Variants in POU3F3 observed in about 807,000 individuals in gnomAD.
POU3F3 encodes the protein POU domain, class 3, transcription factor 3.
A neutral mutation model predicts 8.6 loss-of-function variants in POU3F3; 1 was observed. The observed-to-expected ratio is 0.12, with a 90% confidence interval of 0.04 to 0.55. POU3F3 has a LOEUF of 0.55. Ranked by LOEUF, POU3F3 falls within the 20% of genes least tolerant of loss-of-function variation. The probability of loss-of-function intolerance (pLI) is 0.91; values close to 1 mark genes in which losing one functional copy is unlikely to be tolerated. For synonymous variants in POU3F3, 418 were observed against 327.4 expected (o/e 1.28, Z -2.99); for missense variants, 577 against 690.7 (o/e 0.84, Z 1.84).
At chr2:104,862,051 AT>A (rs1343460990), downstream of POU3F3, among the ~76,000 whole-genome samples, 1 of 152,106 alleles carries the variant, frequency 6.6e-6, no homozygotes, top group Non-Finnish European at 1.5e-5. Flanking sequence ...AGATTCTTTG[AT>A]TTTGTTAGCC....
At chr2:104,898,331 G>A in the POU3F3 span, among the ~76,000 whole-genome samples, 7 of 152,314 alleles carry the variant, frequency 4.6e-5, no homozygotes, top group South Asian at 1.2e-3. Context: ...CTTTGTCATA[G>A]CGGCCTGAAC....
the POU3F3 span, among the ~76,000 whole-genome samples, chr2:104,896,825 A>G: frequency 6.2e-3 from 947 of 152,344 alleles, 5 homozygotes; most frequent in Non-Finnish European, 0.01. Flanking sequence ...CGATGGTCTC[A>G]TATCCTGCTG....
chr2:104,903,780 T>C, the POU3F3 span, among the ~76,000 whole-genome samples: 6 of 152,210 alleles, frequency 3.9e-5, no homozygotes, highest in Non-Finnish European at 8.8e-5. Flanking sequence ...AATGTTTGTC[T>C]GTGGGGGTTA....
At chr2:104,869,787 G>C in the POU3F3 span, 1 of 152,120 alleles carries the variant, frequency 6.6e-6, no homozygotes, top group African/African-American at 2.4e-5. Context: ...GTGGTGGGCA[G>C]ATCCCAAGCT....
the POU3F3 span, among the ~76,000 whole-genome samples, chr2:104,898,731 G>A: frequency 1.3e-5 from 2 of 152,124 alleles, no homozygotes; most frequent in Non-Finnish European, 2.9e-5. Context: ...TTAGATGCTG[G>A]CTTTAGAATG....
rs1676617005 is a variant in POU3F3, at chr2:104,858,475, G to C, written c.*1462G>C. 6.6e-6 allele frequency: 1 copy of C among 152,062 alleles called. No individual in the cohort carries two copies. The highest frequency in any genetic ancestry group is 1.5e-5 in the Non-Finnish European group (1 of 68,018). The allele number at this position is 152,062 out of a possible 1,614,324, so 9.4% of individuals were successfully genotyped here. A position where few individuals can be genotyped will look rare whatever the true frequency, so the allele number is the denominator to read the frequency against. ...GAAATGAAAATATGGACAGTTGTTA[G>C]GTAATAAGGGTATCTTTTGATGTGA... On this transcript the variant is annotated 3_prime_UTR_variant, in exon 1 of 1. Coordinates refer to ENST00000361360, the MANE Select transcript of POU3F3 (RefSeq NM_006236.3).
At chr2:104,862,652 G>T (rs1352631662), downstream of POU3F3, among the ~76,000 whole-genome samples, 6 of 152,218 alleles carry the variant, frequency 3.9e-5, no homozygotes, top group Non-Finnish European at 8.8e-5. Context: ...GGCAGCTGCT[G>T]TGGGTCCCAC....
the POU3F3 span, among the ~76,000 whole-genome samples, chr2:104,916,350 G>A: frequency 6.6e-6 from 1 of 152,124 alleles, no homozygotes; most frequent in Admixed American, 6.5e-5. Context: ...TTCTTGCTGG[G>A]TAAGAAATGA....
chr2:104,923,842 T>A, the POU3F3 span, among the ~76,000 whole-genome samples: 2 of 152,328 alleles, frequency 1.3e-5, no homozygotes, highest in Admixed American at 6.5e-5. Flanking sequence ...GAAGATATTC[T>A]ATACAAATAG....
the POU3F3 span, among the ~76,000 whole-genome samples, chr2:104,896,002 T>G: frequency 6.6e-6 from 1 of 151,526 alleles, no homozygotes; most frequent in Admixed American, 6.6e-5. Flanking sequence ...GAGCAGGGAG[T>G]CTGTTTCAGC....
In POU3F3 at chr2:104,855,888, C is replaced by G; in HGVS notation, c.378C>G (p.Ala126=). 9.4e-7 allele frequency: 1 copy of G among 1,060,510 alleles called. No homozygotes were observed. Among genetic ancestry groups the G allele is most frequent in the Non-Finnish European group, 1.1e-6 (1 of 883,962 alleles). 65.7% of individuals were successfully genotyped at this position (1,060,510 alleles called of 1,614,324 possible). The change falls in exon 1 of 1, where the codon GCC becomes GCG. Residue 126 remains alanine, a synonymous_variant. Transcript: ENST00000361360. The part of the protein sequence containing the change: ...VEASSPWSGS[A]VGMAGSPQQP... ...CGAGCTCGCCGTGGTCGGGCAGCGC[C>G]GTGGGCATGGCTGGCAGCCCCCAGC...
chr2:104,872,526 C>A, the POU3F3 span: 1 of 334,112 alleles, frequency 3.0e-6, no homozygotes, highest in Non-Finnish European at 5.9e-6. The surrounding 1 kb of genome is among the most constrained non-coding windows in gnomAD (Gnocchi z 4.6). Context: ...CTTACCCTTT[C>A]CTCCCGCTAA....
At chr2:104,875,600 A>G in the POU3F3 span, among the ~76,000 whole-genome samples, 1 of 152,224 alleles carries the variant, frequency 6.6e-6, no homozygotes, top group Non-Finnish European at 1.5e-5. Flanking sequence ...GAGCAAATGT[A>G]CAAATACAAT....
downstream of POU3F3, among the ~76,000 whole-genome samples, chr2:104,860,457 T>C (rs147565628): frequency 3.0e-3 from 458 of 152,318 alleles, 6 homozygotes; most frequent in African/African-American, 0.011. Context: ...TTTAATGAAT[T>C]TGGTCATTGT....
At chr2:104,875,640 T>A in the POU3F3 span, among the ~76,000 whole-genome samples, 1 of 152,210 alleles carries the variant, frequency 6.6e-6, no homozygotes, top group African/African-American at 2.4e-5. Context: ...TAGCTACAAG[T>A]TTTAGCAGAA....
chr2:104,855,503 G>A lies in POU3F3; in HGVS notation c.-8G>A. The A allele has an allele frequency of 2.0e-6, 2 of 995,656 alleles. No individual in the cohort carries two copies. Among genetic ancestry groups the A allele is most frequent in the Non-Finnish European group, 2.4e-6 (2 of 836,730 alleles). The allele number at this position is 995,656 out of a possible 1,614,324, so 61.7% of individuals were successfully genotyped here. On this transcript the variant is annotated 5_prime_UTR_variant, in exon 1 of 1. Coordinates refer to ENST00000361360, the MANE Select transcript of POU3F3 (RefSeq NM_006236.3). Reference sequence around the variant, plus strand: ...GTGGCGGCGGTGGGGTGGCGGGAGCGGAGCGGCATGGCCACGGCGGCTTCT... The same window carrying A: ...GTGGCGGCGGTGGGGTGGCGGGAGCAGAGCGGCATGGCCACGGCGGCTTCT...
In POU3F3 at chr2:104,858,053, C is replaced by T. The variant is rs1208604145; in HGVS notation, c.*1040C>T. On this transcript the variant is annotated 3_prime_UTR_variant, in exon 1 of 1. Coordinates refer to ENST00000361360, the MANE Select transcript of POU3F3 (RefSeq NM_006236.3). Reference sequence around the variant, plus strand: ...GGTGGACGATGCCTAAAGATTCCACCGCTAATATTTTTTTTATTAATATTT... The same window carrying T: ...GGTGGACGATGCCTAAAGATTCCACTGCTAATATTTTTTTTATTAATATTT... 2 of 152,174 alleles carry T rather than the reference C, an allele frequency of 1.3e-5. No individual in the cohort carries two copies. Among genetic ancestry groups the T allele is most frequent in the African/African-American group, 4.8e-5 (2 of 41,436 alleles). 9.4% of individuals were successfully genotyped at this position (152,174 alleles called of 1,614,324 possible).
downstream of POU3F3, among the ~76,000 whole-genome samples, chr2:104,862,171 A>G (rs886499798): frequency 6.6e-6 from 1 of 152,162 alleles, no homozygotes; most frequent in Non-Finnish European, 1.5e-5. Context: ...GCAGGAGCCT[A>G]TGATGTCACT....
At chr2:104,908,989 C>A in the POU3F3 span, among the ~76,000 whole-genome samples, 1 of 151,576 alleles carries the variant, frequency 6.6e-6, no homozygotes, top group Non-Finnish European at 1.5e-5. Context: ...TTTAAAGATT[C>A]CTAGAGAACC....
Sources: gnomAD v4.1 joint callset for allele counts (sites outside exome capture counted in the v4.1 genomes callset) on GRCh38, gnomAD v4.1.1 for gene constraint, Gnocchi (gnomAD v3.1) non-coding constraint, MANE v1.5 for transcripts, NCBI Gene and HGNC (gene_info 2026-07-23, HGNC 2026-07-21) for gene names.